The following BCL2L1 variants were observed in gnomAD, a reference collection of about 807,000 sequenced individuals.
BCL2L1 encodes bcl-2-like protein 1.
A neutral mutation model predicts 18.7 loss-of-function variants in BCL2L1; 1 was observed. That is an observed-to-expected ratio of 0.05 (90% confidence interval 0.02 to 0.25). The LOEUF is 0.25. BCL2L1 is among the 10% of genes least tolerant of loss of function. The pLI, the probability that BCL2L1 is intolerant of heterozygous loss-of-function variation, is 1.00. For synonymous variants in BCL2L1, 103 were observed against 122.7 expected (o/e 0.84, Z 1.06); for missense variants, 207 against 304.9 (o/e 0.68, Z 2.39).
intron 2 of BCL2L1, among the ~76,000 whole-genome samples, chr20:31,683,056 C>T (rs1265986114): frequency 6.6e-6 from 1 of 152,172 alleles, no homozygotes; most frequent in African/African-American, 2.4e-5. Flanking sequence ...GTTCCTTCAC[C>T]ACATGGCAGC....
intron 2 of BCL2L1, among the ~76,000 whole-genome samples, chr20:31,699,839 A>G (rs2061247216): frequency 1.3e-5 from 2 of 152,236 alleles, no homozygotes. Context: ...AAATGCATGT[A>G]GAGTACCTGA....
intron 2 of BCL2L1, among the ~76,000 whole-genome samples, chr20:31,695,167 C>T (rs2061146565): frequency 6.6e-6 from 1 of 152,220 alleles, no homozygotes; most frequent in Non-Finnish European, 1.5e-5. Flanking sequence ...ACCACCCATC[C>T]ACCCTGGTAT....
At chr20:31,669,117 G>A (rs976922080) in intron 2 of BCL2L1, among the ~76,000 whole-genome samples, 10 of 151,890 alleles carry the variant, frequency 6.6e-5, no homozygotes, top group Non-Finnish European at 8.8e-5. Context: ...CTGTAGTGGC[G>A]CAATCATGGC....
intron 2 of BCL2L1, among the ~76,000 whole-genome samples, chr20:31,672,442 C>T (rs945079721): frequency 1.6e-4 from 24 of 147,426 alleles, no homozygotes; most frequent in African/African-American, 6.0e-4. Context: ...CCAGTCTGGG[C>T]AACAAGAGCA....
intron 2 of BCL2L1, among the ~76,000 whole-genome samples, chr20:31,668,620 T>TTGG (rs2060622775): frequency 2.0e-5 from 3 of 149,088 alleles, no homozygotes; most frequent in African/African-American, 4.9e-5. Context: ...TTTTTTTTTT[T>TTGG]GGAGACAGAG....
chr20:31,677,164 T>TA (rs1289007659), intron 2 of BCL2L1, among the ~76,000 whole-genome samples: 2 of 150,612 alleles, frequency 1.3e-5, no homozygotes, highest in Admixed American at 1.3e-4. Flanking sequence ...AAATGCGGAT[T>TA]AAAAAAATCC....
At chr20:31,718,376 C>T (rs1404245660) in intron 2 of BCL2L1, among the ~76,000 whole-genome samples, 1 of 152,186 alleles carries the variant, frequency 6.6e-6, no homozygotes, top group Non-Finnish European at 1.5e-5. Flanking sequence ...TTGGCCGGGG[C>T]CAGGCACGGT....
At chr20:31,667,864 G>A (rs1373203765) in intron 2 of BCL2L1, among the ~76,000 whole-genome samples, 1 of 152,140 alleles carries the variant, frequency 6.6e-6, no homozygotes, top group Non-Finnish European at 1.5e-5. Context: ...TTTGACTGAA[G>A]GAATCCTCAA....
chr20:31,705,039 A>G (rs1272379220), intron 2 of BCL2L1, among the ~76,000 whole-genome samples: 2 of 152,230 alleles, frequency 1.3e-5, no homozygotes, highest in Non-Finnish European at 2.9e-5. Context: ...TACAATAGTT[A>G]TAACAGCAAC....
chr20:31,701,917 C>T (rs1331912888), intron 2 of BCL2L1, among the ~76,000 whole-genome samples: 2 of 152,130 alleles, frequency 1.3e-5, no homozygotes, highest in African/African-American at 4.8e-5. Flanking sequence ...ACTGGAGATA[C>T]AATGATGAAC....
At chr20:31,684,314 C>A (rs953907731) in intron 2 of BCL2L1, among the ~76,000 whole-genome samples, 2 of 152,208 alleles carry the variant, frequency 1.3e-5, no homozygotes, top group African/African-American at 4.8e-5. Context: ...ATGAGTGTGC[C>A]AGGCTGGGAG....
At chr20:31,679,635 A>AGCT (rs1051668340) in intron 2 of BCL2L1, among the ~76,000 whole-genome samples, 27 of 152,272 alleles carry the variant, frequency 1.8e-4, no homozygotes, top group African/African-American at 6.3e-4. Context: ...TGTAAATGTT[A>AGCT]GCTGCTGCTG....
At chr20:31,701,936 C>T (rs114936534) in intron 2 of BCL2L1, among the ~76,000 whole-genome samples, 1,653 of 152,234 alleles carry the variant, frequency 0.011, 18 homozygotes, top group African/African-American at 0.038. Context: ...ACAAACCAAA[C>T]GCCCTATAAT....
At chr20:31,669,346 A>C (rs2060631891) in intron 2 of BCL2L1, among the ~76,000 whole-genome samples, 1 of 151,898 alleles carries the variant, frequency 6.6e-6, no homozygotes, top group African/African-American at 2.4e-5. Context: ...GGCGTGAGCC[A>C]CCATGCCCGG....
intron 2 of BCL2L1, chr20:31,720,130 C>T (rs911611370): frequency 1.2e-5 from 12 of 985,450 alleles, no homozygotes; most frequent in Non-Finnish European, 1.4e-5. Context: ...CCCCTGACCC[C>T]ACCCCAGTTA....
intron 2 of BCL2L1, among the ~76,000 whole-genome samples, chr20:31,706,835 C>T (rs1407763808): frequency 6.6e-6 from 1 of 152,178 alleles, no homozygotes; most frequent in African/African-American, 2.4e-5. Flanking sequence ...CTCTTTGGGC[C>T]TCCCTGCTAG....
intron 2 of BCL2L1, among the ~76,000 whole-genome samples, chr20:31,685,954 T>C (rs974249635): frequency 7.2e-5 from 11 of 152,206 alleles, no homozygotes; most frequent in African/African-American, 9.6e-5. Context: ...ATTATTATTA[T>C]GCCTCCCTTA....
At chr20:31,673,489 T>TAA (rs34438752) in intron 2 of BCL2L1, among the ~76,000 whole-genome samples, 1,742 of 138,434 alleles carry the variant, frequency 0.013, 39 homozygotes, top group African/African-American at 0.043. Context: ...ACAAAAAAAT[T>TAA]AAAAAAAAAA....
chr20:31,678,669 G>A (rs1023318202), intron 2 of BCL2L1, among the ~76,000 whole-genome samples: 1 of 152,228 alleles, frequency 6.6e-6, no homozygotes, highest in African/African-American at 2.4e-5. Flanking sequence ...CAGGGGAAGA[G>A]AGCAATAGGC....
Sources: gnomAD v4.1 joint callset for allele counts (sites outside exome capture counted in the v4.1 genomes callset) on GRCh38, gnomAD v4.1.1 for gene constraint, MANE v1.5 for transcripts, NCBI Gene and HGNC (gene_info 2026-07-23, HGNC 2026-07-21) for gene names.